TRHDE: variants seen among roughly 807,000 people sequenced by gnomAD.
TRHDE encodes thyrotropin releasing hormone degrading enzyme.
TRHDE carries 72 observed loss-of-function variants against 125.7 expected under a neutral mutation model. The ratio of observed to expected loss-of-function variants is 0.57; its 90% confidence interval spans 0.47 to 0.70. The LOEUF is 0.70. Among genes scored for constraint, TRHDE ranks in the 30% least tolerant of loss-of-function variants. TRHDE has a pLI of 0.00. For synonymous variants in TRHDE, 509 were observed against 509.1 expected, an observed-to-expected ratio of 1.00 and a Z score of 0.00; for missense variants, 1,110 against 1,327.1, an observed-to-expected ratio of 0.84 and a Z score of 2.54.
chr12:72,151,492 T>A (rs1255814607), intron 2 of TRHDE, among the ~76,000 whole-genome samples: 7 of 152,172 alleles, frequency 4.6e-5, no homozygotes, highest in Non-Finnish European at 7.3e-5. Context: ...CTGAATGGTA[T>A]TGCCTAGGTT....
At chr12:72,560,575 C>T (rs148140818) in intron 7 of TRHDE, 115 of 152,236 alleles carry the variant, frequency 7.6e-4, no homozygotes, top group African/African-American at 2.5e-3. Flanking sequence ...TAATCGCAAC[C>T]CTTTGGCAGG....
At chr12:72,101,560 G>A (rs996931268) in intron 1 of TRHDE, among the ~76,000 whole-genome samples, 2 of 152,178 alleles carry the variant, frequency 1.3e-5, no homozygotes. Flanking sequence ...CAAATGCTTT[G>A]TGCTATGAAT....
Position 72,423,773 on chromosome 12 carries a change from G to A in TRHDE, c.1315+45652G>A, listed in dbSNP as rs117176071. ...CTCCTAGATTGTCTAGGTGTGTTGC[G>A]TGTAATCGGAAGAGTCTTTAAAAGT... On this transcript the variant is annotated intron_variant, in intron 3 of 18. Transcript: ENST00000261180. Among the ~76,000 whole-genome samples, 1,361 of 152,154 alleles carry A rather than the reference G, an allele frequency of 8.9e-3. 70 individuals are homozygous for A. Among genetic ancestry groups the A allele is most frequent in the Admixed American group, 0.078 (1,189 of 15,278 alleles).
intron 2 of TRHDE, among the ~76,000 whole-genome samples, chr12:72,197,111 C>T (rs1300719943): frequency 6.6e-6 from 1 of 152,108 alleles, no homozygotes; most frequent in East Asian, 1.9e-4. Context: ...TCATTCTTTA[C>T]TCCTTGAAAC....
chr12:72,519,953 G>C (rs964967694), intron 6 of TRHDE, among the ~76,000 whole-genome samples: 1 of 152,156 alleles, frequency 6.6e-6, no homozygotes, highest in African/African-American at 2.4e-5. Context: ...GAGGCTGTTT[G>C]GGGGTCAGGG....
chr12:72,452,333 G>GT (rs1372527928), intron 3 of TRHDE, among the ~76,000 whole-genome samples: 2 of 152,024 alleles, frequency 1.3e-5, no homozygotes, highest in Non-Finnish European at 2.9e-5. Flanking sequence ...AGCTCCAGTA[G>GT]TTTTTTTGGT....
intron 2 of TRHDE, among the ~76,000 whole-genome samples, chr12:72,360,902 G>A (rs1871043661): frequency 6.6e-6 from 1 of 151,624 alleles, no homozygotes; most frequent in South Asian, 2.1e-4. Flanking sequence ...GTGTGCTGGG[G>A]TGGTTTGCTG....
At chr12:72,366,591 C>G (rs778670178) in intron 2 of TRHDE, among the ~76,000 whole-genome samples, 8 of 151,778 alleles carry the variant, frequency 5.3e-5, no homozygotes, top group Non-Finnish European at 1.0e-4. Flanking sequence ...GTGAAAAGAC[C>G]GAGCCAATGG....
At chr12:72,299,680 G>A (rs1880432634) in intron 2 of TRHDE, among the ~76,000 whole-genome samples, 1 of 152,122 alleles carries the variant, frequency 6.6e-6, no homozygotes, top group African/African-American at 2.4e-5. Context: ...TACAGAGAGA[G>A]GAAAAATTTC....
intron 15 of TRHDE, among the ~76,000 whole-genome samples, chr12:72,629,294 T>C (rs1241512935): frequency 6.6e-6 from 1 of 151,874 alleles, no homozygotes; most frequent in Non-Finnish European, 1.5e-5. Context: ...AGTTATTTTT[T>C]CAAAGTATCT....
intron 1 of TRHDE, among the ~76,000 whole-genome samples, chr12:72,099,477 G>C (rs1875016706): frequency 6.6e-6 from 1 of 152,166 alleles, no homozygotes; most frequent in Non-Finnish European, 1.5e-5. Context: ...AGCAGGTAAG[G>C]ATTGACTATG....
chr12:72,149,171 G>C (rs558411697), intron 2 of TRHDE, among the ~76,000 whole-genome samples: 1 of 151,984 alleles, frequency 6.6e-6, no homozygotes, highest in Non-Finnish European at 1.5e-5. Context: ...ACCTGACTGC[G>C]AGGAGTCCAA....
intron 2 of TRHDE, among the ~76,000 whole-genome samples, chr12:72,138,330 A>G (rs11179083): frequency 0.074 from 11,196 of 152,168 alleles, 710 homozygotes; most frequent in African/African-American, 0.16. Flanking sequence ...AGTCGAGATC[A>G]CACCATTGCA....
intron 2 of TRHDE, among the ~76,000 whole-genome samples, chr12:72,312,810 A>T (rs915069072): frequency 6.6e-6 from 1 of 152,200 alleles, no homozygotes; most frequent in Non-Finnish European, 1.5e-5. Flanking sequence ...GAATTCTAGT[A>T]AGTAATAAAG....
intron 3 of TRHDE, among the ~76,000 whole-genome samples, chr12:72,448,207 A>G (rs1022551105): frequency 1.3e-5 from 2 of 151,870 alleles, no homozygotes; most frequent in Non-Finnish European, 2.9e-5. Flanking sequence ...GCACTGCACA[A>G]CTCTAGAAGG....
In TRHDE at chr12:72,670,277, G is replaced by A. The variant is rs773562514; in HGVS notation, c.*7082G>A. On this transcript the variant is annotated 3_prime_UTR_variant, in exon 19 of 19. Transcript: ENST00000261180. ...CCTTTTGTTAGTTTAGCAGATAAAT[G>A]TTTTCAATGTATGCCTTTAAAATTA... The A allele has an allele frequency of 2.0e-5, 3 of 151,680 alleles. No individual in the cohort carries two copies. Among genetic ancestry groups the A allele is most frequent in the Non-Finnish European group, 4.4e-5 (3 of 67,782 alleles). The allele number at this position is 151,680 out of a possible 1,614,324, so 9.4% of individuals were successfully genotyped here. A position where few individuals can be genotyped will look rare whatever the true frequency, so the allele number is the denominator to read the frequency against.
At chr12:72,176,458 G>A (rs1430682586) in intron 2 of TRHDE, among the ~76,000 whole-genome samples, 2 of 152,126 alleles carry the variant, frequency 1.3e-5, no homozygotes, top group Admixed American at 1.3e-4. Context: ...GTGAGTGTGG[G>A]CAATGAGTGT....
intron 2 of TRHDE, among the ~76,000 whole-genome samples, chr12:72,347,882 A>G (rs1371184911): frequency 6.6e-6 from 1 of 151,978 alleles, no homozygotes; most frequent in Non-Finnish European, 1.5e-5. Flanking sequence ...CAATAGAAGC[A>G]TATTACCAGG....
intron 17 of TRHDE, 55 bp from the exon 18 acceptor site, chr12:72,656,872 A>G (rs1465742050): frequency 5.0e-6 from 6 of 1,209,588 alleles, no homozygotes; most frequent in Non-Finnish European, 7.2e-6. Context: ...CTTTATAGTA[A>G]TATTTTTTAA....
Sources: allele counts gnomAD v4.1 joint callset (sites outside exome capture counted in the v4.1 genomes callset), GRCh38; gene constraint gnomAD v4.1.1; transcripts MANE v1.5; gene names NCBI Gene and HGNC (gene_info 2026-07-23, HGNC 2026-07-21).